NRDC: variants seen among roughly 807,000 people sequenced by gnomAD.
The protein encoded by NRDC is nardilysin convertase.
Under a neutral mutation model 147.1 loss-of-function variants are expected in NRDC, and 54 were observed. The observed-to-expected ratio is 0.37, with a 90% CI of 0.29 to 0.46. The LOEUF (loss-of-function observed/expected upper bound fraction) is 0.46. Ranked by LOEUF, NRDC falls within the 20% of genes least tolerant of loss-of-function variation. The pLI is 1.00. For missense variants in NRDC, 1,082 were observed against 1,370.6 expected (o/e 0.79, Z 3.33); for synonymous variants, 440 against 482.1 (o/e 0.91, Z 1.14).
chr1:51,809,911 A>C (rs1421906715), intron 16 of NRDC, among the ~76,000 whole-genome samples: 1 of 151,964 alleles, frequency 6.6e-6, no homozygotes, highest in Non-Finnish European at 1.5e-5. Context: ...GTCTCAAAAA[A>C]AAAAAAGAAA....
rs535953913 is a variant in NRDC at position 51,846,493 on chromosome 1, A to G, written c.342-5979T>C. 8.5e-5 allele frequency among the ~76,000 whole-genome samples: 13 copies of G among 152,362 alleles called. 1 individual carries two copies. In the South Asian group the frequency reaches 2.7e-3, roughly 32 times the overall value. On this transcript the variant is annotated intron_variant, in intron 1 of 30. Transcript: ENST00000352171. ...GTTCTTGGTCTCACTGACTTCAAGA[A>G]TGAAGCCGCGGAGCCCCGCGGTGAG...
rs1679489374 is a variant in NRDC at position 51,806,873 on chromosome 1, T to C, written c.2031A>G (p.Thr677=). 1.2e-6 allele frequency: 2 copies of C among 1,613,978 alleles called. No homozygotes were observed. Among genetic ancestry groups the C allele is most frequent in the South Asian group, 2.2e-5 (2 of 91,076 alleles). Residue 677 remains threonine (T), a synonymous_variant, in exon 18 of 31, where the codon ACA becomes ACG. Transcript: ENST00000352171. ...TATTCACAATTTTAACTGGGTATTCTGTTTCCGGGCAATCGAAAGCCTTCA... is the reference window on the plus strand; with the variant it reads ...TATTCACAATTTTAACTGGGTATTCCGTTTCCGGGCAATCGAAAGCCTTCA... ...FTLKAFDCPE[T]EYPVKIVNTP... is the part of the protein sequence containing the mutation.
rs1683452903 is a variant in NRDC at position 51,878,654 on chromosome 1, G to C, written c.-39C>G. On this transcript the variant is annotated 5_prime_UTR_variant, in exon 1 of 31. Transcript: ENST00000352171. ...GGAGCGATGGACATCCCGCTTCCCAGGACCCACCTCCTCCGCGTTCTAGAG... is the reference window on the plus strand; with the variant it reads ...GGAGCGATGGACATCCCGCTTCCCACGACCCACCTCCTCCGCGTTCTAGAG... 6.4e-7 allele frequency: 1 copy of C among 1,551,160 alleles called. No homozygotes were observed. Among genetic ancestry groups the C allele is most frequent in the Non-Finnish European group, 8.8e-7 (1 of 1,140,250 alleles).
chr1:51,833,548 T>C (rs529214999), intron 4 of NRDC, among the ~76,000 whole-genome samples: 1 of 152,060 alleles, frequency 6.6e-6, no homozygotes, highest in East Asian at 1.9e-4. Flanking sequence ...ATACAAAGAC[T>C]ATATATAATA....
intron 1 of NRDC, among the ~76,000 whole-genome samples, chr1:51,863,724 A>G (rs1682665460): frequency 6.6e-6 from 1 of 152,212 alleles, no homozygotes; most frequent in African/African-American, 2.4e-5. Context: ...TGACTGATCT[A>G]TAGTGTTTGA....
At chr1:51,870,599 T>C (rs1353170106) in intron 1 of NRDC, among the ~76,000 whole-genome samples, 2 of 152,058 alleles carry the variant, frequency 1.3e-5, no homozygotes, top group African/African-American at 2.4e-5. Flanking sequence ...ACTTTACAAA[T>C]AAGAGGGGAA....
Position 51,794,576 on chromosome 1 carries a change from G to C in NRDC, c.2671C>G (p.Pro891Ala), listed in dbSNP as rs1163167734. 6.2e-7 allele frequency: 1 copy of C among 1,614,162 alleles called. No individual in the cohort carries two copies. The highest frequency in any genetic ancestry group is 2.2e-5 in the East Asian group (1 of 44,878). The change falls in exon 24 of 31, where the codon CCT (proline) becomes GCT (alanine). Residue 891 changes from proline (P) to alanine (A), a missense_variant. Transcript: ENST00000352171. ...LNFKPLEQEMPVQFQVVELPS... is the reference protein window; with the variant it reads ...LNFKPLEQEMAVQFQVVELPS... Reference sequence around the variant, plus strand: ...AGCTCTACCACCTGGAACTGCACAGGCATCTCCTGCTCCAGAGGCTTGAAG... The same window carrying C: ...AGCTCTACCACCTGGAACTGCACAGCCATCTCCTGCTCCAGAGGCTTGAAG...
intron 1 of NRDC, among the ~76,000 whole-genome samples, chr1:51,851,831 A>C (rs1470327944): frequency 6.6e-6 from 1 of 152,226 alleles, no homozygotes; most frequent in African/African-American, 2.4e-5. Flanking sequence ...TTGCAAGCTC[A>C]AAACTGCCTG....
chr1:51,802,086 T>C (rs1679236837), intron 20 of NRDC, among the ~76,000 whole-genome samples: 2 of 152,138 alleles, frequency 1.3e-5, no homozygotes. Flanking sequence ...CGCGCCAGGC[T>C]GAGGTTTTTA....
At chr1:51,790,343 C>T (rs906432430) in intron 29 of NRDC, among the ~76,000 whole-genome samples, 190 bp downstream of exon 29, 3 of 152,162 alleles carry the variant, frequency 2.0e-5, no homozygotes, top group Non-Finnish European at 4.4e-5. Flanking sequence ...AGGATTAGCA[C>T]CCAGCTCACG....
chr1:51,870,217 C>T (rs778652226), intron 1 of NRDC, among the ~76,000 whole-genome samples: 2 of 152,168 alleles, frequency 1.3e-5, no homozygotes, highest in Non-Finnish European at 2.9e-5. Context: ...TCCGTACTCA[C>T]GGGCATTTAG....
intron 24 of NRDC, among the ~76,000 whole-genome samples, 156 bp downstream of exon 24, chr1:51,794,316 A>G (rs978495291): frequency 6.6e-6 from 1 of 152,208 alleles, no homozygotes; most frequent in African/African-American, 2.4e-5. Flanking sequence ...GATCCATTTT[A>G]CCAACAGGAG....
At chr1:51,843,306 A>T (rs1490837328) in intron 1 of NRDC, among the ~76,000 whole-genome samples, 1 of 61,004 alleles carries the variant, frequency 1.6e-5, no homozygotes, top group Non-Finnish European at 3.4e-5. Context: ...AAAGACAAAA[A>T]AGGTTAAAAA....
rs543186996 is a variant in NRDC, at chr1:51,878,575, C to G, written c.41G>C (p.Arg14Pro). Residue 14 changes from arginine to proline, a missense_variant, in exon 1 of 31, where the codon CGG (arginine) becomes CCG (proline). Around this residue, in one of 3 missense-constraint regions of NRDC, gnomAD observed 260 missense variants for 253.2 expected, o/e 1.03. Transcript: ENST00000352171. Reference protein sequence around the residue: ...RVTVAAVCATRRKLCEAGREL... With the variant: ...RVTVAAVCATPRKLCEAGREL... ...CCGCCCGGCCTCACACAACTTCCTC[C>G]GGGTGGCACAGACTGCAGCAACAGT... 6.2e-7 allele frequency: 1 copy of G among 1,613,174 alleles called. No individual in the cohort carries two copies. Among genetic ancestry groups the G allele is most frequent in the East Asian group, 2.2e-5 (1 of 44,856 alleles).
intron 4 of NRDC, 51 bp downstream of exon 4, chr1:51,833,966 T>C: frequency 6.6e-7 from 1 of 1,506,066 alleles, no homozygotes; most frequent in Non-Finnish European, 9.2e-7. Flanking sequence ...TATTTACATT[T>C]GCAAAGTGCC....
intron 1 of NRDC, among the ~76,000 whole-genome samples, chr1:51,842,527 G>A (rs1186641339): frequency 2.0e-5 from 3 of 149,398 alleles, no homozygotes; most frequent in African/African-American, 7.7e-5. Context: ...TAAAAAAACT[G>A]TGGTATATTC....
chr1:51,863,573 CAAG>C (rs1682659114), intron 1 of NRDC, among the ~76,000 whole-genome samples: 1 of 152,054 alleles, frequency 6.6e-6, no homozygotes, highest in Middle Eastern at 3.2e-3. Flanking sequence ...AAAGTTAAAA[CAAG>C]AAGTAATACC....
Position 51,878,466 on chromosome 1 carries a change from C to T in NRDC, c.150G>A (p.Met50Ile), listed in dbSNP as rs1186067610. 3.1e-6 allele frequency: 5 copies of T among 1,613,900 alleles called. No individual in the cohort carries two copies. The highest frequency in any genetic ancestry group is 4.2e-6 in the Non-Finnish European group (5 of 1,180,052). ...TAGACTTCGCCTTGTTCCTTCCAGG[C>T]ATGGCCAGAATAGGAAAGGGTCTGG... is the stretch of plus-strand genomic sequence containing the variant. Reference protein sequence around the residue: ...AAARPFPILAMPGRNKAKSTC... With the variant: ...AAARPFPILAIPGRNKAKSTC... Residue 50 changes from methionine (M) to isoleucine (I), a missense_variant, in exon 1 of 31, where the codon ATG becomes ATA. By Grantham distance (10) the Met-to-Ile change is conservative. This residue lies in a region of NRDC where 260 missense variants were observed against 253.2 expected (regional missense o/e 1.03). Coordinates refer to ENST00000352171, the MANE Select transcript of NRDC (RefSeq NM_001101662.2).
At chr1:51,830,254 C>G (rs975806887) in intron 4 of NRDC, among the ~76,000 whole-genome samples, 7 of 152,126 alleles carry the variant, frequency 4.6e-5, no homozygotes, top group African/African-American at 7.2e-5. Flanking sequence ...TGAGCCACTG[C>G]GTCTGGCCTT....
Sources: allele counts gnomAD v4.1 joint callset (sites outside exome capture counted in the v4.1 genomes callset), GRCh38; gene constraint gnomAD v4.1.1; regional missense constraint gnomAD v4.1.1; transcripts MANE v1.5; gene names NCBI Gene and HGNC (gene_info 2026-07-23, HGNC 2026-07-21).